CALCR: variants seen among roughly 807,000 people sequenced by gnomAD.
CALCR encodes calcitonin receptor.
CALCR carries 47 observed loss-of-function variants against 59.5 expected under a neutral mutation model. The observed-to-expected ratio is 0.79, with a 90% CI of 0.63 to 1.01. The LOEUF (loss-of-function observed/expected upper bound fraction) is 1.01, where lower values mean the gene tolerates loss of function less well. CALCR is among the 50% of genes least tolerant of loss of function. The pLI, the probability that CALCR is intolerant of heterozygous loss-of-function variation, is 0.00. For missense variants in CALCR, 566 were observed against 597.1 expected, an observed-to-expected ratio of 0.95 and a Z score of 0.54; for synonymous variants, 213 against 211.3, an observed-to-expected ratio of 1.01 and a Z score of -0.07.
intron 3 of CALCR, among the ~76,000 whole-genome samples, 184 bp downstream of exon 3, chr7:93,486,747 A>G (rs1189589501): frequency 6.6e-6 from 1 of 151,566 alleles, no homozygotes; most frequent in South Asian, 2.1e-4. Context: ...TTTAAATTAG[A>G]GACAGTTCAG....
chr7:93,460,868 G>GGA lies in CALCR; in HGVS notation c.599_600dup (p.His201SerfsTer6). The GGA allele has an allele frequency of 6.2e-7, 1 of 1,611,296 alleles. No homozygotes were observed. Among genetic ancestry groups the GGA allele is most frequent in the Admixed American group, 1.7e-5 (1 of 59,840 alleles). On this transcript the variant is annotated frameshift_variant, in exon 8 of 14. Coordinates refer to ENST00000426151, the MANE Select transcript of CALCR (RefSeq NM_001742.4). LOFTEE classifies it high-confidence loss of function. ...CCATTGGGTACTACTTCAACCAGGT[G>GGA]GATGATGATAATCATAGAATTCAGA...
rs1295314901 is a variant in CALCR, at chr7:93,436,022, G to A, written c.1079C>T (p.Pro360Leu). ...PLLGIQFVVF[P>L]WRPSNKMLGK... ...AAGCATCTTGTTGGAAGGTCTCCAG[G>A]GAAAGACGACAAACTGGATTCCCAG... The change falls in exon 12 of 14, where the codon CCC (proline) becomes CTC (leucine). Residue 360 changes from proline (P) to leucine (L), a missense_variant. Transcript: ENST00000426151. The A allele has an allele frequency of 6.2e-7, 1 of 1,613,610 alleles. No individual in the cohort carries two copies. The highest frequency in any genetic ancestry group is 8.5e-7 in the Non-Finnish European group (1 of 1,179,770).
At chr7:93,569,893 C>A (rs1789961769) in intron 2 of CALCR, among the ~76,000 whole-genome samples, 1 of 148,358 alleles carries the variant, frequency 6.7e-6, no homozygotes, top group Admixed American at 6.8e-5. Context: ...GACATGAAAA[C>A]CAAAGAAAAG....
chr7:93,455,541 A>C (rs1247640462), intron 8 of CALCR, among the ~76,000 whole-genome samples: 1 of 152,026 alleles, frequency 6.6e-6, no homozygotes, highest in Non-Finnish European at 1.5e-5. Flanking sequence ...ATTTATTTCA[A>C]GTAATTTTAA....
chr7:93,568,545 C>A, intron 2 of CALCR, among the ~76,000 whole-genome samples: 1 of 138,970 alleles, frequency 7.2e-6, no homozygotes, highest in East Asian at 2.0e-4. Context: ...CTCTCTCTCT[C>A]TCTCTCTCTC....
chr7:93,494,033 G>A (rs955506591), intron 2 of CALCR, among the ~76,000 whole-genome samples: 1 of 151,382 alleles, frequency 6.6e-6, no homozygotes. Context: ...TGATTGTCCT[G>A]TAATGTAGCC....
chr7:93,520,500 G>A (rs201081847), intron 2 of CALCR, among the ~76,000 whole-genome samples: 1 of 152,004 alleles, frequency 6.6e-6, no homozygotes, highest in Non-Finnish European at 1.5e-5. Flanking sequence ...AGTCCTCATT[G>A]TTCCTTATTG....
chr7:93,464,877 T>C (rs573549526), intron 7 of CALCR, among the ~76,000 whole-genome samples: 15 of 152,060 alleles, frequency 9.9e-5, no homozygotes, highest in Admixed American at 4.6e-4. Flanking sequence ...CCACCCAATA[T>C]GTAGAGATGA....
At chr7:93,495,805 T>C in intron 2 of CALCR, 1 of 1,057,544 alleles carries the variant, frequency 9.5e-7, no homozygotes, top group Admixed American at 2.2e-5. Flanking sequence ...TTGTTGTGGC[T>C]GATTTAGAAC....
chr7:93,475,984 G>T lies in CALCR; in HGVS notation c.316+1574C>A, dbSNP rs139759213. On this transcript the variant is annotated intron_variant, in intron 5 of 13. Coordinates refer to ENST00000426151, the MANE Select transcript of CALCR (RefSeq NM_001742.4). Reference sequence around the variant, plus strand: ...TGTGCTTCTCTCACTCCAGATTCACGCAGGGGAACTACTTGCAGATTCCGA... The same window carrying T: ...TGTGCTTCTCTCACTCCAGATTCACTCAGGGGAACTACTTGCAGATTCCGA... Among the ~76,000 whole-genome samples the T allele has an allele frequency of 3.4e-3, 523 of 151,884 alleles. 6 individuals carry two copies. The highest frequency in any genetic ancestry group is 0.012 in the African/African-American group (495 of 41,500).
chr7:93,451,722 T>C (rs1007924569), intron 8 of CALCR, among the ~76,000 whole-genome samples: 8 of 152,074 alleles, frequency 5.3e-5, no homozygotes, highest in Non-Finnish European at 1.2e-4. Flanking sequence ...AGATTCTGCA[T>C]TTCTTATTTA....
intron 2 of CALCR, among the ~76,000 whole-genome samples, chr7:93,498,372 G>C (rs1801254027): frequency 6.6e-6 from 1 of 151,564 alleles, no homozygotes; most frequent in Non-Finnish European, 1.5e-5. Context: ...GTTCAGAATT[G>C]TGTGCAGTTC....
intron 8 of CALCR, among the ~76,000 whole-genome samples, chr7:93,455,169 CCT>C (rs1241626770): frequency 6.6e-6 from 1 of 151,862 alleles, no homozygotes; most frequent in Non-Finnish European, 1.5e-5. Flanking sequence ...AAAACCCACC[CCT>C]CTGTCTGTCT....
chr7:93,443,560 C>G, intron 9 of CALCR, 44 bp downstream of exon 9: 1 of 1,579,530 alleles, frequency 6.3e-7, no homozygotes, highest in South Asian at 1.1e-5. Context: ...AGCATACAGA[C>G]AGAGGTGAAA....
At chr7:93,537,946 G>C (rs1489195825) in intron 2 of CALCR, among the ~76,000 whole-genome samples, 2 of 151,634 alleles carry the variant, frequency 1.3e-5, no homozygotes, top group East Asian at 3.9e-4. Flanking sequence ...ATTTAAAATG[G>C]GTATTATTAA....
chr7:93,453,770 C>T lies in CALCR; in HGVS notation c.648+7051G>A, dbSNP rs1800155213. 2.0e-5 allele frequency among the ~76,000 whole-genome samples: 3 copies of T among 151,806 alleles called. No homozygotes were observed. In the South Asian group the frequency reaches 6.3e-4, roughly 32 times the overall value. ...CTGGAGATTGGGTATATGTTTATAT[C>T]CACTTTAGGAAGAGATTCTCCTTCA... is the stretch of plus-strand genomic sequence containing the variant. On this transcript the variant is annotated intron_variant, in intron 8 of 13. Transcript: ENST00000426151.
At chr7:93,474,044 T>A (rs895079681) in intron 5 of CALCR, among the ~76,000 whole-genome samples, 1 of 151,786 alleles carries the variant, frequency 6.6e-6, no homozygotes, top group African/African-American at 2.4e-5. Flanking sequence ...AATAATTTTT[T>A]AAAATAACAT....
intron 3 of CALCR, among the ~76,000 whole-genome samples, chr7:93,484,252 T>G (rs1481506371): frequency 2.6e-5 from 4 of 151,808 alleles, no homozygotes; most frequent in Non-Finnish European, 5.9e-5. Flanking sequence ...CAATTCCTAC[T>G]GTGATGTAGG....
chr7:93,507,241 C>T (rs2116028475), intron 2 of CALCR, among the ~76,000 whole-genome samples: 1 of 152,146 alleles, frequency 6.6e-6, no homozygotes, highest in African/African-American at 2.4e-5. Flanking sequence ...AACACACACA[C>T]ACACACACAC....
Sources: allele counts gnomAD v4.1 joint callset (sites outside exome capture counted in the v4.1 genomes callset), GRCh38; gene constraint gnomAD v4.1.1; transcripts MANE v1.5; gene names NCBI Gene and HGNC (gene_info 2026-07-23, HGNC 2026-07-21).